The following TTN variants were observed in gnomAD, a reference collection of about 807,000 sequenced individuals.
TTN encodes connectin.
In TTN, 1,525 loss-of-function variants were observed where a neutral mutation model predicts 3,223.0. That is an observed-to-expected ratio of 0.47 (90% CI 0.45 to 0.49). The LOEUF (loss-of-function observed/expected upper bound fraction) is 0.49, where lower values mean the gene tolerates loss of function less well. Ranked by LOEUF, TTN falls within the 20% of genes least tolerant of loss-of-function variation. TTN has a pLI of 0.00. For synonymous variants in TTN, 14,094 were observed against 15,161.0 expected, an observed-to-expected ratio of 0.93 and a Z score of 5.17; for missense variants, 40,786 against 43,424.0, an observed-to-expected ratio of 0.94 and a Z score of 5.40.
Position 178,670,281 on chromosome 2 carries a change from TAG to T in TTN, c.35321_35322del (p.Pro11774GlnfsTer13), listed in dbSNP as rs2066749314. ...KEPPAKVPEV[P>X]KKIVVEEKVR... The stretch of plus-strand genomic sequence containing the variant: ...ACTTTTTCTTCTACCACAATTTTCT[TAG>T]GCACCTCCGGTACTTTAAAGATAAT... On this transcript the variant is annotated frameshift_variant, in exon 157 of 363. Coordinates refer to ENST00000589042, the MANE Select transcript of TTN (RefSeq NM_001267550.2). LOFTEE classifies it high-confidence loss of function. 1 of 1,491,118 alleles carries T rather than the reference TAG, an allele frequency of 6.7e-7. No individual in the cohort carries two copies. The allele number at this position is 1,491,118 out of a possible 1,614,324, so 92.4% of individuals were successfully genotyped here.
At position 178,727,378 on chromosome 2, in the gene TTN, A is replaced by C. The variant is rs1292778822; in HGVS notation, c.19994-7T>G. On this transcript the variant is annotated splice_polypyrimidine_tract_variant and splice_region_variant and intron_variant, in intron 68 of 362. Transcript: ENST00000589042. ...TTTACAAACTTTGGTGGTTCTAAAG[A>C]GTCAGGAAAGAGGAGAGTATCAGGG... 1 of 1,576,508 alleles carries C rather than the reference A, an allele frequency of 6.3e-7. No homozygotes were observed. Among genetic ancestry groups the C allele is most frequent in the Non-Finnish European group, 8.6e-7 (1 of 1,162,748 alleles).
At chr2:178,581,458 T>G (rs2047725225) in intron 316 of TTN, 41 bp downstream of exon 316, 2 of 1,500,886 alleles carry the variant, frequency 1.3e-6, no homozygotes, top group Non-Finnish European at 1.8e-6. Context: ...AGAATATGAT[T>G]AATAGGAAAA....
Position 178,740,195 on chromosome 2 carries a change from A to G in TTN, c.13038T>C (p.Ser4346=). Residue 4346 remains serine, a synonymous_variant, in exon 48 of 363, where the codon TCT becomes TCC. Coordinates refer to ENST00000589042, the MANE Select transcript of TTN (RefSeq NM_001267550.2). ...EKQVLLKEEH[S]DNVVMPPDQI... is the part of the protein sequence containing the mutation. ...GGTCTGGGGGCATCACCACGTTGTC[A>G]GAATGCTCTTCTTTGAGCAGTACCT... 2 of 1,613,488 alleles carry G rather than the reference A, an allele frequency of 1.2e-6. No homozygotes were observed. Among genetic ancestry groups the G allele is most frequent in the South Asian group, 2.2e-5 (2 of 91,026 alleles).
intron 13 of TTN, among the ~76,000 whole-genome samples, chr2:178,788,724 A>T (rs1468907456): frequency 6.6e-6 from 1 of 152,112 alleles, no homozygotes; most frequent in Non-Finnish European, 1.5e-5. Context: ...ATAGCTACAA[A>T]TAGATACGGT....
rs1232179683 is a variant in TTN at position 178,739,454 on chromosome 2, T to G, written c.13779A>C (p.Ile4593=). The G allele has an allele frequency of 4.3e-6, 7 of 1,613,670 alleles. No homozygotes were observed. The African/African-American group carries it at 9.3e-5, about 22-fold the overall frequency. The change falls in exon 48 of 363, where the codon ATA becomes ATC. Residue 4593 remains isoleucine, a synonymous_variant. Transcript: ENST00000589042. Reference sequence around the variant, plus strand: ...TGATTAAGCCACCCTCAGCTTCCTGTATCTTTACTGTAGCAACCTCCTCAG... The same window carrying G: ...TGATTAAGCCACCCTCAGCTTCCTGGATCTTTACTGTAGCAACCTCCTCAG... ...SGTEEVATVK[I]QEAEGGLIKE... is the part of the protein sequence containing the mutation.
At chr2:178,631,947 G>A (rs2059856260) in intron 236 of TTN, among the ~76,000 whole-genome samples, 200 bp downstream of exon 236, 1 of 152,016 alleles carries the variant, frequency 6.6e-6, no homozygotes, top group South Asian at 2.1e-4. Context: ...TTTTGTGGGT[G>A]TAAGCTAGAA....
rs769385648 is a variant in TTN, at chr2:178,532,669, C to CCCCAA, written c.103945_103946insTTGGG (p.Arg34649LeufsTer25). On this transcript the variant is annotated frameshift_variant, in exon 358 of 363. Coordinates refer to ENST00000589042, the MANE Select transcript of TTN (RefSeq NM_001267550.2). LOFTEE classifies it high-confidence loss of function. The stretch of plus-strand genomic sequence containing the variant: ...GTCCCCAAGAGAACGTCTTCTAGGT[C>CCCCAA]GGTAGTAAAAGTCATAATCAGGAGA... 27 of 1,613,764 alleles carry CCCCAA rather than the reference C, an allele frequency of 1.7e-5. No individual in the cohort carries two copies. The African/African-American group carries it at 3.3e-4, about 20-fold the overall frequency.
rs895286829 is a variant in TTN, at chr2:178,735,991, T to C, written c.14455A>G (p.Thr4819Ala). 6.2e-7 allele frequency: 1 copy of C among 1,613,798 alleles called. No homozygotes were observed. Among genetic ancestry groups the C allele is most frequent in the East Asian group, 2.2e-5 (1 of 44,860 alleles). The change falls in exon 50 of 363, where the codon ACA (threonine) becomes GCA (alanine). Residue 4819 changes from threonine (T) to alanine (A), a missense_variant. Thr to Ala is a moderately conservative substitution (Grantham distance 58). Transcript: ENST00000589042. ...ATGGTTTCTATCACAGGAGTCCCTG[T>C]CACTGTGCAGATGAACTTGGCTGCC... is the stretch of plus-strand genomic sequence containing the variant. ...GKAAKFICTV[T>A]GTPVIETIWQ...
rs1204382084 is a variant in TTN at position 178,731,467 on chromosome 2, T to C, written c.17299A>G (p.Ser5767Gly). Residue 5767 changes from serine (S) to glycine (G), a missense_variant, in exon 59 of 363, where the codon AGC (serine) becomes GGC (glycine). Transcript: ENST00000589042. ...TTATCGTCTTCAGTGATTTCATCGC[T>C]GTCTTTTAGCCAAGTCACCGTAATT... ...LPITVTWLKDSDEITEDDNIR... is the reference protein window; with the variant it reads ...LPITVTWLKDGDEITEDDNIR... 1 of 1,613,656 alleles carries C rather than the reference T, an allele frequency of 6.2e-7. No homozygotes were observed. Among genetic ancestry groups the C allele is most frequent in the Non-Finnish European group, 8.5e-7 (1 of 1,179,794 alleles).
chr2:178,685,849 T>C (rs1473048503), intron 127 of TTN, among the ~76,000 whole-genome samples: 1 of 152,166 alleles, frequency 6.6e-6, no homozygotes, highest in Non-Finnish European at 1.5e-5. Context: ...ATAATGCTTA[T>C]ATCCACAGCA....
rs758914867 is a variant in TTN at position 178,552,711 on chromosome 2, TGTG to T, written c.90186_90188del (p.Thr30063del). ...TACCTTTCCTTTCTACAACATATTC[TGTG>T]ATGACGCTACCACCATCAAAGTCAG... On this transcript the variant is annotated inframe_deletion, in exon 335 of 363. Transcript: ENST00000589042. The T allele has an allele frequency of 1.9e-5, 30 of 1,613,940 alleles. No homozygotes were observed. Among genetic ancestry groups the T allele is most frequent in the Non-Finnish European group, 2.1e-5 (25 of 1,179,838 alleles).
At position 178,709,727 on chromosome 2, in the gene TTN, T is replaced by G. The variant is rs537464608; in HGVS notation, c.28592A>C (p.Asn9531Thr). 2 of 1,613,802 alleles carry G rather than the reference T, an allele frequency of 1.2e-6. No homozygotes were observed. The highest frequency in any genetic ancestry group is 1.7e-6 in the Non-Finnish European group (2 of 1,179,834). ...QPITVAWYKN[N>T]IEIQPTSNCE... ...GTTAGAAGTTGGTTGTATCTCTATATTATTTTTGTACCAGGCAACAGTTAT... is the reference window on the plus strand; with the variant it reads ...GTTAGAAGTTGGTTGTATCTCTATAGTATTTTTGTACCAGGCAACAGTTAT... Residue 9531 changes from asparagine (N) to threonine (T), a missense_variant, in exon 99 of 363, where the codon AAT (asparagine) becomes ACT (threonine). Transcript: ENST00000589042.
In TTN at chr2:178,616,816, T is replaced by G. The variant is rs1185643168; in HGVS notation, c.48073A>C (p.Ser16025Arg). 1 of 1,612,782 alleles carries G rather than the reference T, an allele frequency of 6.2e-7. No individual in the cohort carries two copies. The highest frequency in any genetic ancestry group is 1.1e-5 in the South Asian group (1 of 91,054). Residue 16025 changes from serine (S) to arginine (R), a missense_variant, in exon 256 of 363, where the codon AGT becomes CGT. By Grantham distance (110) the Ser-to-Arg change is moderately radical. Transcript: ENST00000589042. ...TAAATGCCCTTGTCTGAACGTTCAC[T>G]TGGAGAAATGACAAGTTCGGCATAG... is the stretch of plus-strand genomic sequence containing the variant. ...SAYAELVISP[S>R]ERSDKGIYTL...
At position 178,549,699 on chromosome 2, in the gene TTN, C is replaced by T; in HGVS notation, c.92023G>A (p.Glu30675Lys). 1 of 1,613,758 alleles carries T rather than the reference C, an allele frequency of 6.2e-7. No individual in the cohort carries two copies. The highest frequency in any genetic ancestry group is 8.5e-7 in the Non-Finnish European group (1 of 1,179,756). ...TTAATGGCAGTGTAACTTTGGGCTT[C>T]ACATTTATCCTCAATTAGTGCCCAG... ...LAWALIEDKC[E>K]AQSYTAIKLI... The change falls in exon 338 of 363, where the codon GAA (glutamate) becomes AAA (lysine). Residue 30675 changes from glutamate to lysine, a missense_variant. Glu to Lys is a moderately conservative substitution (Grantham distance 56, BLOSUM62 1). Transcript: ENST00000589042.
At chr2:178,550,380 T>G (rs1698890725) in intron 336 of TTN, 107 bp from the exon 337 acceptor site, 2 of 906,856 alleles carry the variant, frequency 2.2e-6, no homozygotes, top group Middle Eastern at 6.8e-4. Flanking sequence ...GAGTAGTGAC[T>G]TCTACTGTGC....
In TTN at chr2:178,712,335, G is replaced by A; in HGVS notation, c.27587C>T (p.Ser9196Leu). 7 of 1,613,652 alleles carry A rather than the reference G, an allele frequency of 4.3e-6. No homozygotes were observed. The highest frequency in any genetic ancestry group is 5.9e-6 in the Non-Finnish European group (7 of 1,179,700). ...CAAACCTAGTATGAGTATTTGTGCT[G>A]AACAGGAATCTTTTCCAGAGGCATT... ...IENASGKDSC[S>L]AQILILEPPY... The change falls in exon 95 of 363, where the codon TCA becomes TTA. Residue 9196 changes from serine to leucine, a missense_variant. Physicochemically the swap from Ser to Leu is moderately radical, Grantham distance 145 (BLOSUM62 -2). Coordinates refer to ENST00000589042, the MANE Select transcript of TTN (RefSeq NM_001267550.2).
intron 125 of TTN, 115 bp downstream of exon 125, chr2:178,688,938 G>A (rs2071584236): frequency 8.2e-7 from 1 of 1,225,612 alleles, no homozygotes; most frequent in Non-Finnish European, 1.2e-6. Context: ...TTCACTGCAA[G>A]TGAGACAATG....
intron 99 of TTN, 39 bp from the exon 100 acceptor site, chr2:178,707,852 C>A (rs1394051176): frequency 1.2e-5 from 19 of 1,523,650 alleles, no homozygotes; most frequent in African/African-American, 4.2e-5. Context: ...AACATAAAGG[C>A]AAAAAAGTAT....
Position 178,539,099 on chromosome 2 carries a change from T to C in TTN, c.98836A>G (p.Arg32946Gly). ...RKETSTDKWV[R>G]HNKTQITTTM... is the part of the protein sequence containing the mutation. ...GTGGTGATCTGAGTCTTGTTGTGTC[T>C]GACCCACTTGTCAGTGGATGTCTCT... Residue 32946 changes from arginine to glycine, a missense_variant, in exon 353 of 363, where the codon AGA (arginine) becomes GGA (glycine). Coordinates refer to ENST00000589042, the MANE Select transcript of TTN (RefSeq NM_001267550.2). The C allele has an allele frequency of 6.2e-7, 1 of 1,613,818 alleles. No individual in the cohort carries two copies. Among genetic ancestry groups the C allele is most frequent in the Non-Finnish European group, 8.5e-7 (1 of 1,179,754 alleles).
Sources: allele counts gnomAD v4.1 joint callset (sites outside exome capture counted in the v4.1 genomes callset), GRCh38; gene constraint gnomAD v4.1.1; transcripts MANE v1.5; gene names NCBI Gene and HGNC (gene_info 2026-07-23, HGNC 2026-07-21).